Variants in RIMS2 observed in about 807,000 individuals in gnomAD.
The protein encoded by RIMS2 is regulating synaptic membrane exocytosis protein 2.
RIMS2 carries 59 observed loss-of-function variants against 174.4 expected under a neutral mutation model. The ratio of observed to expected loss-of-function variants is 0.34; its 90% CI spans 0.27 to 0.42. RIMS2 has a LOEUF of 0.42. Among genes scored for constraint, RIMS2 ranks in the 10% least tolerant of loss-of-function variants. The probability of loss-of-function intolerance (pLI) is 1.00; values close to 1 mark genes in which losing one functional copy is unlikely to be tolerated. For missense variants in RIMS2, 1,620 were observed against 1,666.3 expected (o/e 0.97, Z 0.48); for synonymous variants, 606 against 572.5 (o/e 1.06, Z -0.84).
chr8:103,575,262 G>C (rs769680201), intron 1 of RIMS2, among the ~76,000 whole-genome samples: 4 of 152,188 alleles, frequency 2.6e-5, no homozygotes, highest in Non-Finnish European at 4.4e-5. Flanking sequence ...GTGCCCACTA[G>C]AGTGGCTTAA....
intron 1 of RIMS2, among the ~76,000 whole-genome samples, chr8:103,686,719 G>T (rs1311682437): frequency 1.3e-5 from 2 of 151,964 alleles, no homozygotes; most frequent in Admixed American, 1.3e-4. Flanking sequence ...TTTTACATCT[G>T]CTTATGAGAA....
At chr8:104,141,786 A>T (rs906737545) in intron 19 of RIMS2, among the ~76,000 whole-genome samples, 9 of 152,310 alleles carry the variant, frequency 5.9e-5, no homozygotes, top group Non-Finnish European at 1.2e-4. Flanking sequence ...TGCTTCTTTC[A>T]TCTGACTGGG....
intron 15 of RIMS2, among the ~76,000 whole-genome samples, chr8:103,970,536 T>TA (rs1387012017): frequency 6.6e-6 from 1 of 152,174 alleles, no homozygotes; most frequent in African/African-American, 2.4e-5. Flanking sequence ...CACAATATTG[T>TA]AAGAGACCTC....
At chr8:103,733,271 T>C (rs1320641116) in intron 2 of RIMS2, among the ~76,000 whole-genome samples, 1 of 152,104 alleles carries the variant, frequency 6.6e-6, no homozygotes, top group Non-Finnish European at 1.5e-5. Flanking sequence ...CCTGGTACCC[T>C]GTTCTACTGT....
chr8:103,695,401 G>A (rs907670562), intron 1 of RIMS2, among the ~76,000 whole-genome samples: 1 of 151,810 alleles, frequency 6.6e-6, no homozygotes, highest in African/African-American at 2.4e-5. Context: ...CTAATCTCTT[G>A]TATTTCTTTT....
At chr8:103,554,028 A>T (rs1849292818) in intron 1 of RIMS2, among the ~76,000 whole-genome samples, 1 of 152,152 alleles carries the variant, frequency 6.6e-6, no homozygotes, top group African/African-American at 2.4e-5. Context: ...CCCCTTCCTT[A>T]TACCTTATAC....
intron 2 of RIMS2, among the ~76,000 whole-genome samples, chr8:103,712,378 A>G (rs1346729723): frequency 6.6e-6 from 1 of 152,046 alleles, no homozygotes. Context: ...TTTAGATTAG[A>G]GAAAAAATAC....
intron 1 of RIMS2, among the ~76,000 whole-genome samples, chr8:103,526,449 A>G (rs560859862): frequency 3.9e-5 from 6 of 152,220 alleles, no homozygotes; most frequent in Non-Finnish European, 8.8e-5. Context: ...CATAAGTTAT[A>G]TGATGCCATG....
intron 1 of RIMS2, among the ~76,000 whole-genome samples, chr8:103,692,668 A>G (rs1590451745): frequency 6.6e-6 from 1 of 152,280 alleles, no homozygotes; most frequent in South Asian, 2.1e-4. Context: ...GGCCCAGAGT[A>G]TCTCTAGAAA....
At chr8:103,836,820 T>G (rs1329361787) in intron 3 of RIMS2, among the ~76,000 whole-genome samples, 1 of 152,190 alleles carries the variant, frequency 6.6e-6, no homozygotes, top group Non-Finnish European at 1.5e-5. Flanking sequence ...ATTACCATAT[T>G]TCCCATGAAA....
At chr8:103,753,708 A>G (rs756626421) in intron 2 of RIMS2, among the ~76,000 whole-genome samples, 2 of 152,032 alleles carry the variant, frequency 1.3e-5, no homozygotes, top group Non-Finnish European at 2.9e-5. Context: ...TTTCTAATGT[A>G]TTTGTGTTGA....
chr8:103,661,198 G>A (rs926122128), intron 1 of RIMS2, among the ~76,000 whole-genome samples: 3 of 152,164 alleles, frequency 2.0e-5, no homozygotes, highest in Admixed American at 6.5e-5. Flanking sequence ...ATAATTGCAT[G>A]CAATTGTATT....
At chr8:104,187,997 T>G (rs560250276) in intron 19 of RIMS2, among the ~76,000 whole-genome samples, 1 of 151,894 alleles carries the variant, frequency 6.6e-6, no homozygotes, top group East Asian at 1.9e-4. Context: ...ACCCTTCACC[T>G]AGCTTCCCTC....
At chr8:104,112,113 A>T (rs1421482734) in intron 19 of RIMS2, among the ~76,000 whole-genome samples, 3 of 152,214 alleles carry the variant, frequency 2.0e-5, no homozygotes, top group African/African-American at 7.2e-5. Flanking sequence ...TAAAAGAATT[A>T]ATTTTACATA....
At chr8:104,246,581 A>T (rs932816274) in intron 20 of RIMS2, among the ~76,000 whole-genome samples, 1 of 152,246 alleles carries the variant, frequency 6.6e-6, no homozygotes, top group East Asian at 1.9e-4. Flanking sequence ...AGTAGATTAG[A>T]TAGCACACAT....
At chr8:103,661,018 A>C (rs898977177) in intron 1 of RIMS2, among the ~76,000 whole-genome samples, 10 of 152,316 alleles carry the variant, frequency 6.6e-5, no homozygotes, top group African/African-American at 2.4e-4. Context: ...AGGGAGAACT[A>C]TTTCCCATCT....
At chr8:104,070,604 T>A (rs1042572506) in intron 19 of RIMS2, among the ~76,000 whole-genome samples, 12 of 152,224 alleles carry the variant, frequency 7.9e-5, no homozygotes, top group Non-Finnish European at 1.8e-4. Flanking sequence ...GGTTTTTTTA[T>A]GCTGTAGTCT....
chr8:103,895,402 T>C (rs553955618), intron 4 of RIMS2, among the ~76,000 whole-genome samples: 1 of 151,674 alleles, frequency 6.6e-6, no homozygotes, highest in African/African-American at 2.4e-5. Flanking sequence ...GGGGGCCCTC[T>C]TTCCAAGTTG....
chr8:104,108,731 A>G (rs533499644), intron 19 of RIMS2, among the ~76,000 whole-genome samples: 4 of 152,330 alleles, frequency 2.6e-5, no homozygotes, highest in Non-Finnish European at 2.9e-5. Flanking sequence ...GGGACTTTCT[A>G]TGAAAATATT....
Sources: allele counts gnomAD v4.1 joint callset (sites outside exome capture counted in the v4.1 genomes callset), GRCh38; gene constraint gnomAD v4.1.1; transcripts MANE v1.5; gene names NCBI Gene and HGNC (gene_info 2026-07-23, HGNC 2026-07-21).